The following ARHGAP15 variants were observed in gnomAD, a reference collection of about 807,000 sequenced individuals.
ARHGAP15 encodes Rho GTPase activating protein 15.
A neutral mutation model predicts 63.7 loss-of-function variants in ARHGAP15; 51 were observed. That is an observed-to-expected ratio of 0.80 (90% CI 0.64 to 1.01). The LOEUF (loss-of-function observed/expected upper bound fraction) is 1.01. Ranked by LOEUF, ARHGAP15 falls within the 50% of genes least tolerant of loss-of-function variation. The pLI is 0.00. For missense variants in ARHGAP15, 560 were observed against 564.6 expected (o/e 0.99, Z 0.08); for synonymous variants, 191 against 193.8 (o/e 0.99, Z 0.12).
At chr2:143,727,901 C>T (rs981141945) in intron 13 of ARHGAP15, among the ~76,000 whole-genome samples, 12 of 152,122 alleles carry the variant, frequency 7.9e-5, no homozygotes, top group South Asian at 2.1e-4. Flanking sequence ...ACACAGGTTA[C>T]GTTTGTTTTA....
rs185383989 is a variant in ARHGAP15 at position 143,220,491 on chromosome 2, G to A, written c.296+4046G>A. Among the ~76,000 whole-genome samples, 25 of 152,302 alleles carry A rather than the reference G, an allele frequency of 1.6e-4. No individual in the cohort carries two copies. In the East Asian group the frequency reaches 2.5e-3, roughly 15 times the overall value. ...CTCACAACGTATTGGGATTACAGGC[G>A]TGAGCAATAGCACCCAGCCTTCTTT... On this transcript the variant is annotated intron_variant, in intron 4 of 13. Transcript: ENST00000295095.
intron 6 of ARHGAP15, among the ~76,000 whole-genome samples, chr2:143,301,607 GA>G (rs1177785639): frequency 2.0e-5 from 3 of 151,990 alleles, no homozygotes; most frequent in African/African-American, 7.2e-5. Flanking sequence ...CTTTCATTAT[GA>G]AATTTGCTTA....
intron 3 of ARHGAP15, among the ~76,000 whole-genome samples, chr2:143,216,024 A>G (rs1692744182): frequency 3.3e-5 from 5 of 152,238 alleles, no homozygotes; most frequent in Non-Finnish European, 7.3e-5. Context: ...CTTGAAAAGA[A>G]GAACTTTTCT....
intron 6 of ARHGAP15, among the ~76,000 whole-genome samples, chr2:143,413,796 A>T (rs1314486185): frequency 6.6e-6 from 1 of 152,146 alleles, no homozygotes; most frequent in African/African-American, 2.4e-5. Context: ...TTCAATGCAG[A>T]ATGCCTCAGG....
intron 12 of ARHGAP15, among the ~76,000 whole-genome samples, chr2:143,679,402 A>G (rs1682985939): frequency 6.6e-6 from 1 of 152,198 alleles, no homozygotes; most frequent in Non-Finnish European, 1.5e-5. Context: ...GCTCATTATA[A>G]AACAGGAGTT....
At chr2:143,347,330 G>T (rs1012170137) in intron 6 of ARHGAP15, among the ~76,000 whole-genome samples, 1 of 152,100 alleles carries the variant, frequency 6.6e-6, no homozygotes, top group African/African-American at 2.4e-5. Flanking sequence ...GTGATTCGTC[G>T]CTAAATGTAT....
intron 10 of ARHGAP15, among the ~76,000 whole-genome samples, chr2:143,522,283 G>A (rs1694090051): frequency 6.6e-6 from 1 of 152,066 alleles, no homozygotes; most frequent in Non-Finnish European, 1.5e-5. Context: ...TGTGGTTTCT[G>A]ACATTGTCTG....
At chr2:143,201,430 G>C (rs561910925) in intron 2 of ARHGAP15, among the ~76,000 whole-genome samples, 4 of 152,038 alleles carry the variant, frequency 2.6e-5, no homozygotes, top group Middle Eastern at 6.8e-3. Flanking sequence ...TTTAACACAC[G>C]TCTACAATGT....
chr2:143,506,188 A>T (rs142395701), intron 9 of ARHGAP15, among the ~76,000 whole-genome samples: 15 of 152,274 alleles, frequency 9.9e-5, no homozygotes, highest in African/African-American at 3.6e-4. Flanking sequence ...AGTGAGTCAA[A>T]ATTTCTACAC....
At chr2:143,268,265 G>T (rs1330056513) in intron 6 of ARHGAP15, among the ~76,000 whole-genome samples, 1 of 151,624 alleles carries the variant, frequency 6.6e-6, no homozygotes, top group African/African-American at 2.4e-5. Context: ...AAACAAAAAG[G>T]CCCTCAAACA....
intron 12 of ARHGAP15, among the ~76,000 whole-genome samples, chr2:143,665,129 G>A (rs1482394662): frequency 2.6e-5 from 4 of 151,036 alleles, no homozygotes; most frequent in Admixed American, 2.6e-4. Flanking sequence ...GAGAATTTTA[G>A]ACCAATATCC....
chr2:143,527,461 CT>C lies in ARHGAP15; in HGVS notation c.925+8099del, dbSNP rs1258020560. On this transcript the variant is annotated intron_variant, in intron 10 of 13. Transcript: ENST00000295095. Reference sequence around the variant, plus strand: ...GCCTGATTTTATACGTTTCAAGTCGCTTCCTATTTTTGGTTCAGAAAAAAAA... The same window carrying C: ...GCCTGATTTTATACGTTTCAAGTCGCTCCTATTTTTGGTTCAGAAAAAAAA... 7.5e-5 allele frequency among the ~76,000 whole-genome samples: 11 copies of C among 146,284 alleles called. No individual in the cohort carries two copies. In the Admixed American group the frequency reaches 7.8e-4, roughly 10 times the overall value.
At chr2:143,605,457 G>T (rs1348037161) in intron 11 of ARHGAP15, among the ~76,000 whole-genome samples, 1 of 152,038 alleles carries the variant, frequency 6.6e-6, no homozygotes, top group Non-Finnish European at 1.5e-5. Flanking sequence ...TCCTGTGTCA[G>T]AAACAAGGCA....
At chr2:143,444,132 C>T (rs1574458726) in intron 8 of ARHGAP15, among the ~76,000 whole-genome samples, 1 of 152,206 alleles carries the variant, frequency 6.6e-6, no homozygotes. Context: ...GCAATAACAC[C>T]ATGAGCATAT....
chr2:143,266,958 G>A (rs1295176545), intron 6 of ARHGAP15, among the ~76,000 whole-genome samples: 3 of 152,058 alleles, frequency 2.0e-5, no homozygotes, highest in Non-Finnish European at 4.4e-5. Flanking sequence ...TGAGATCCAG[G>A]TTGATGGAAT....
chr2:143,629,090 ATTACT>A (rs1698959609), intron 12 of ARHGAP15, among the ~76,000 whole-genome samples: 2 of 152,096 alleles, frequency 1.3e-5, no homozygotes, highest in Admixed American at 1.3e-4. Flanking sequence ...AGCGGTCTGA[ATTACT>A]TTAATTTTTA....
At chr2:143,596,208 CTTCTAGACTGAGTCAAT>C (rs1359766362) in intron 11 of ARHGAP15, among the ~76,000 whole-genome samples, 3 of 152,120 alleles carry the variant, frequency 2.0e-5, no homozygotes, top group Non-Finnish European at 4.4e-5. Context: ...ACATGAAGTC[CTTCTAGACTGAGTCAAT>C]ATGAAGAGAA....
intron 2 of ARHGAP15, among the ~76,000 whole-genome samples, chr2:143,190,512 C>A (rs188072066): frequency 1.5e-3 from 233 of 152,182 alleles, no homozygotes; most frequent in African/African-American, 5.3e-3. Context: ...ATTTTAATCC[C>A]CTAGTTTGCA....
chr2:143,375,082 G>A (rs1033183059), intron 6 of ARHGAP15, among the ~76,000 whole-genome samples: 1 of 152,188 alleles, frequency 6.6e-6, no homozygotes, highest in Admixed American at 6.5e-5. Context: ...GTTAATCACA[G>A]ATGTGGACAT....
Sources: allele counts gnomAD v4.1 joint callset (sites outside exome capture counted in the v4.1 genomes callset), GRCh38; gene constraint gnomAD v4.1.1; transcripts MANE v1.5; gene names NCBI Gene and HGNC (gene_info 2026-07-23, HGNC 2026-07-21).